The following PACRG variants were observed in gnomAD, a reference collection of about 807,000 sequenced individuals.
The protein encoded by PACRG is parkin coregulated gene protein.
Under a neutral mutation model 29.7 loss-of-function variants are expected in PACRG, and 29 were observed. The ratio of observed to expected loss-of-function variants is 0.98; its 90% CI spans 0.73 to 1.33. The LOEUF is 1.33. Ranked by LOEUF, PACRG falls within the 40% of genes most tolerant of loss-of-function variation. The pLI, the probability that PACRG is intolerant of heterozygous loss-of-function variation, is 0.00. For missense variants in PACRG, 279 were observed against 316.2 expected (o/e 0.88, Z 0.89); for synonymous variants, 116 against 118.7 (o/e 0.98, Z 0.15).
chr6:162,972,001 C>T (rs1406958840), intron 2 of PACRG, among the ~76,000 whole-genome samples: 2 of 152,184 alleles, frequency 1.3e-5, no homozygotes, highest in Admixed American at 6.5e-5. Context: ...AGGCCTGTCT[C>T]ACTCTGTGAC....
chr6:163,254,352 T>C (rs1036824593), intron 4 of PACRG, among the ~76,000 whole-genome samples: 1 of 152,076 alleles, frequency 6.6e-6, no homozygotes, highest in African/African-American at 2.4e-5. Context: ...TCTGAAATTG[T>C]TTCTCACTTT....
intron 2 of PACRG, among the ~76,000 whole-genome samples, chr6:162,844,269 C>G (rs558005025): frequency 6.6e-6 from 1 of 152,216 alleles, no homozygotes; most frequent in Admixed American, 6.5e-5. Context: ...GCGTAGGACC[C>G]TCCGAGCCAG....
chr6:163,026,942 C>A (rs1807185968), intron 2 of PACRG, among the ~76,000 whole-genome samples: 1 of 152,162 alleles, frequency 6.6e-6, no homozygotes, highest in South Asian at 2.1e-4. Context: ...ATTGGAAGCC[C>A]TGGGGCAGCC....
chr6:162,793,887 G>A (rs771893593), intron 1 of PACRG, among the ~76,000 whole-genome samples: 1 of 152,106 alleles, frequency 6.6e-6, no homozygotes, highest in Non-Finnish European at 1.5e-5. Context: ...ATAACTAATG[G>A]ATACTGGGCT....
At chr6:162,727,604 C>T (rs1779341666), upstream of PACRG, 5 of 1,539,460 alleles carry the variant, frequency 3.2e-6, no homozygotes, top group Non-Finnish European at 4.4e-6. Flanking sequence ...CGGGGCGTGG[C>T]GCCATACCGG....
intron 2 of PACRG, among the ~76,000 whole-genome samples, chr6:162,964,032 T>C (rs1179490062): frequency 6.6e-6 from 1 of 151,902 alleles, no homozygotes; most frequent in African/African-American, 2.4e-5. Flanking sequence ...AATACTTATT[T>C]AATGAATTGG....
At chr6:162,784,866 C>T (rs956527957) in intron 1 of PACRG, among the ~76,000 whole-genome samples, 8 of 152,006 alleles carry the variant, frequency 5.3e-5, no homozygotes, top group African/African-American at 1.9e-4. Context: ...GAGGTGAGAT[C>T]GGATAAGAAT....
chr6:163,128,670 A>C (rs984101512), intron 4 of PACRG, among the ~76,000 whole-genome samples: 2 of 152,226 alleles, frequency 1.3e-5, no homozygotes, highest in African/African-American at 4.8e-5. Flanking sequence ...GATGCATGCC[A>C]TTAGGATGAT....
chr6:163,193,409 T>C (rs1585319912), intron 4 of PACRG, among the ~76,000 whole-genome samples: 2 of 152,020 alleles, frequency 1.3e-5, no homozygotes, highest in South Asian at 4.2e-4. Context: ...AAGGTCAGAG[T>C]TGGTACTTTC....
At chr6:163,250,603 C>T (rs1403147953) in intron 4 of PACRG, among the ~76,000 whole-genome samples, 7 of 152,114 alleles carry the variant, frequency 4.6e-5, no homozygotes. Context: ...TTTGGATGCC[C>T]TTTATTTCTT....
chr6:163,137,754 G>A (rs1385765783), intron 4 of PACRG, among the ~76,000 whole-genome samples: 1 of 152,244 alleles, frequency 6.6e-6, no homozygotes, highest in Non-Finnish European at 1.5e-5. Context: ...AGAGAGACAC[G>A]TTTGACAGAT....
chr6:162,976,943 T>A (rs755148796), intron 2 of PACRG, among the ~76,000 whole-genome samples: 30 of 152,124 alleles, frequency 2.0e-4, no homozygotes, highest in Non-Finnish European at 3.4e-4. Flanking sequence ...ATAGTATTGA[T>A]AACCAATTGG....
At chr6:162,794,166 T>C (rs1240956239) in intron 1 of PACRG, among the ~76,000 whole-genome samples, 1 of 152,126 alleles carries the variant, frequency 6.6e-6, no homozygotes, top group Non-Finnish European at 1.5e-5. Flanking sequence ...TCTAGTAACA[T>C]AAAGATGTTT....
chr6:163,024,145 A>T (rs1317417490), intron 2 of PACRG, among the ~76,000 whole-genome samples: 1 of 152,204 alleles, frequency 6.6e-6, no homozygotes, highest in Non-Finnish European at 1.5e-5. Flanking sequence ...GCTTTGCCAC[A>T]GCCAGTGTCA....
intron 2 of PACRG, among the ~76,000 whole-genome samples, chr6:162,859,508 G>A (rs1048663902): frequency 3.3e-5 from 5 of 152,060 alleles, no homozygotes; most frequent in Admixed American, 2.6e-4. Context: ...GTGACACCTC[G>A]GAGGTCACTC....
chr6:163,298,303 A>T (rs1020216940), intron 4 of PACRG, among the ~76,000 whole-genome samples: 2 of 152,036 alleles, frequency 1.3e-5, no homozygotes, highest in Non-Finnish European at 2.9e-5. Flanking sequence ...GAAAAGGTTA[A>T]CCCTCCTTAG....
At chr6:162,779,106 C>T (rs763865986) in intron 1 of PACRG, among the ~76,000 whole-genome samples, 14 of 152,092 alleles carry the variant, frequency 9.2e-5, no homozygotes, top group Non-Finnish European at 1.8e-4. Context: ...CATTCGGCTC[C>T]GACTTATAAG....
At chr6:162,948,016 T>A (rs1799371062) in intron 2 of PACRG, among the ~76,000 whole-genome samples, 1 of 151,896 alleles carries the variant, frequency 6.6e-6, no homozygotes, top group Non-Finnish European at 1.5e-5. Context: ...AAAATACCAA[T>A]GTCATTTTTC....
chr6:163,033,963 C>T (rs1328837162), intron 2 of PACRG, among the ~76,000 whole-genome samples: 1 of 152,224 alleles, frequency 6.6e-6, no homozygotes, highest in African/African-American at 2.4e-5. Context: ...ATAAAGCACA[C>T]CAGATTGGCT....
Sources: gnomAD v4.1 joint callset for allele counts (sites outside exome capture counted in the v4.1 genomes callset) on GRCh38, gnomAD v4.1.1 for gene constraint, MANE v1.5 for transcripts, NCBI Gene and HGNC (gene_info 2026-07-23, HGNC 2026-07-21) for gene names.